UST: variants seen among roughly 807,000 people sequenced by gnomAD.
UST encodes the protein chondroitin sulfate 2-O-sulfotransferase.
Under a neutral mutation model 45.6 loss-of-function variants are expected in UST, and 21 were observed. The ratio of observed to expected loss-of-function variants is 0.46; its 90% CI spans 0.33 to 0.66. The LOEUF is 0.66. Among genes scored for constraint, UST ranks in the 30% least tolerant of loss-of-function variants. The pLI is 0.02. For missense variants in UST, 463 were observed against 512.4 expected (o/e 0.90, Z 0.93); for synonymous variants, 215 against 200.6 (o/e 1.07, Z -0.61).
intron 1 of UST, among the ~76,000 whole-genome samples, chr6:148,848,580 A>G (rs1778041435): frequency 6.6e-6 from 1 of 151,696 alleles, no homozygotes; most frequent in African/African-American, 2.4e-5. Context: ...CTGAGGCAGG[A>G]GAATTGCTTG....
chr6:148,766,431 C>T (rs1282328231), intron 1 of UST, among the ~76,000 whole-genome samples: 1 of 152,032 alleles, frequency 6.6e-6, no homozygotes, highest in Non-Finnish European at 1.5e-5. Flanking sequence ...GGCAGTCTTC[C>T]TCTGTTTTCT....
At chr6:148,764,381 G>A (rs1032995941) in intron 1 of UST, among the ~76,000 whole-genome samples, 1 of 152,142 alleles carries the variant, frequency 6.6e-6, no homozygotes. Flanking sequence ...AAATCTAGAA[G>A]TCTTTTGGAG....
intron 7 of UST, among the ~76,000 whole-genome samples, chr6:149,070,808 G>A (rs954146509): frequency 2.0e-5 from 3 of 151,696 alleles, no homozygotes; most frequent in Non-Finnish European, 4.4e-5. Context: ...TCGCTCTGTC[G>A]CCAGGCTGGA....
At chr6:148,796,440 A>G (rs1776949237) in intron 1 of UST, among the ~76,000 whole-genome samples, 2 of 152,146 alleles carry the variant, frequency 1.3e-5, no homozygotes, top group Non-Finnish European at 2.9e-5. Flanking sequence ...CCTGGCCAGC[A>G]TGGCGAAACC....
At chr6:148,995,246 C>T (rs556409584) in intron 5 of UST, among the ~76,000 whole-genome samples, 19 of 152,314 alleles carry the variant, frequency 1.2e-4, no homozygotes, top group African/African-American at 4.6e-4. Context: ...TGGTCTCGAA[C>T]TCCTGGCCTC....
chr6:148,822,446 G>A (rs1477943056), intron 1 of UST, among the ~76,000 whole-genome samples: 1 of 152,070 alleles, frequency 6.6e-6, no homozygotes, highest in Non-Finnish European at 1.5e-5. Flanking sequence ...CACTGGCCCT[G>A]ACCCCAAAAA....
At chr6:149,032,918 C>T (rs967475513) in intron 7 of UST, among the ~76,000 whole-genome samples, 1 of 152,220 alleles carries the variant, frequency 6.6e-6, no homozygotes, top group Non-Finnish European at 1.5e-5. Flanking sequence ...AATTTAATCA[C>T]TTCTACTTTG....
chr6:148,987,899 A>G (rs1564602), intron 5 of UST, among the ~76,000 whole-genome samples: 68,922 of 151,772 alleles, frequency 0.45, 16,075 homozygotes, highest in African/African-American at 0.57. Flanking sequence ...CATCTACTTT[A>G]TGCCAAGCTC....
chr6:148,809,444 T>C (rs1283322811), intron 1 of UST, among the ~76,000 whole-genome samples: 1 of 152,266 alleles, frequency 6.6e-6, no homozygotes, highest in South Asian at 2.1e-4. Context: ...TGAAAGTCAG[T>C]TCAGTTGGTT....
At chr6:149,043,666 G>C (rs147150423) in intron 7 of UST, among the ~76,000 whole-genome samples, 2 of 152,382 alleles carry the variant, frequency 1.3e-5, no homozygotes, top group South Asian at 2.1e-4. Flanking sequence ...GCTGTCAGTC[G>C]GGAGAACTGG....
chr6:148,820,075 G>A (rs1275010208), intron 1 of UST, among the ~76,000 whole-genome samples: 1 of 152,218 alleles, frequency 6.6e-6, no homozygotes, highest in African/African-American at 2.4e-5. Flanking sequence ...GGTAGCTAAA[G>A]GTCAGGTCTG....
At chr6:148,976,617 G>C (rs918391963) in intron 5 of UST, among the ~76,000 whole-genome samples, 2 of 152,138 alleles carry the variant, frequency 1.3e-5, no homozygotes, top group Admixed American at 1.3e-4. Flanking sequence ...GTGTCAGTAG[G>C]ATAAGTTGCA....
At chr6:148,890,777 T>C (rs1779002594) in intron 2 of UST, among the ~76,000 whole-genome samples, 1 of 152,252 alleles carries the variant, frequency 6.6e-6, no homozygotes, top group South Asian at 2.1e-4. Context: ...TAAGCCGCTA[T>C]TTACAGGTCG....
chr6:148,907,744 C>A (rs1026877272), intron 2 of UST, among the ~76,000 whole-genome samples: 7 of 152,046 alleles, frequency 4.6e-5, no homozygotes, highest in Admixed American at 3.9e-4. Context: ...ACGTACAGAG[C>A]CCTAGAATGG....
At chr6:148,932,590 C>T (rs1386908701) in intron 2 of UST, among the ~76,000 whole-genome samples, 2 of 152,148 alleles carry the variant, frequency 1.3e-5, no homozygotes, top group Non-Finnish European at 2.9e-5. Context: ...TGATAGCATT[C>T]ACCAGTGTCA....
At chr6:148,924,222 A>G (rs1032520380) in intron 2 of UST, among the ~76,000 whole-genome samples, 4 of 152,284 alleles carry the variant, frequency 2.6e-5, no homozygotes, top group African/African-American at 9.6e-5. Flanking sequence ...TTGTAATCAA[A>G]ACAAAGAATA....
At chr6:148,928,126 ATT>A (rs111677489) in intron 2 of UST, among the ~76,000 whole-genome samples, 86 of 148,658 alleles carry the variant, frequency 5.8e-4, no homozygotes, top group African/African-American at 1.3e-3. Context: ...CATCACTAAG[ATT>A]TTTTTTTTTT....
chr6:149,073,122 A>C (rs1776842149), intron 7 of UST, among the ~76,000 whole-genome samples: 1 of 152,232 alleles, frequency 6.6e-6, no homozygotes, highest in Admixed American at 6.5e-5. Flanking sequence ...ATTTTACCAC[A>C]ATAAAAAATT....
intron 3 of UST, among the ~76,000 whole-genome samples, chr6:148,945,716 A>G (rs2114928432): frequency 6.6e-6 from 1 of 152,294 alleles, no homozygotes; most frequent in South Asian, 2.1e-4. Flanking sequence ...CTGCAAACAA[A>G]CTGTTTGACT....
Sources: gnomAD v4.1 joint callset for allele counts (sites outside exome capture counted in the v4.1 genomes callset) on GRCh38, gnomAD v4.1.1 for gene constraint, MANE v1.5 for transcripts, NCBI Gene and HGNC (gene_info 2026-07-23, HGNC 2026-07-21) for gene names.